PRKG1: variants seen among roughly 807,000 people sequenced by gnomAD.
PRKG1 encodes the protein protein kinase cGMP-dependent 1, also known as cGMP-dependent protein kinase 1.
Under a neutral mutation model 88.1 loss-of-function variants are expected in PRKG1, and 35 were observed. The ratio of observed to expected loss-of-function variants is 0.40; its 90% CI spans 0.30 to 0.53. The LOEUF is 0.53. PRKG1 is among the 20% of genes least tolerant of loss of function. The probability of loss-of-function intolerance (pLI) is 0.59; values close to 1 mark genes in which losing one functional copy is unlikely to be tolerated. For synonymous variants in PRKG1, 303 were observed against 292.5 expected (o/e 1.04, Z -0.37); for missense variants, 540 against 839.8 (o/e 0.64, Z 4.41).
At chr10:51,462,912 A>G (rs919649894) in intron 2 of PRKG1, among the ~76,000 whole-genome samples, 29 of 152,246 alleles carry the variant, frequency 1.9e-4, no homozygotes, top group Non-Finnish European at 2.8e-4. Context: ...ATCTAGTAAT[A>G]TATTTTTAAA....
chr10:51,460,726 C>A (rs1489677704), intron 2 of PRKG1, among the ~76,000 whole-genome samples: 1 of 152,120 alleles, frequency 6.6e-6, no homozygotes, highest in East Asian at 1.9e-4. Context: ...GAATCCTGTT[C>A]ATTGTCAGAT....
intron 2 of PRKG1, among the ~76,000 whole-genome samples, chr10:51,187,412 C>T (rs759182045): frequency 2.6e-5 from 4 of 151,920 alleles, no homozygotes; most frequent in Non-Finnish European, 5.9e-5. Flanking sequence ...TACAAAATGA[C>T]AACGTTAAAA....
intron 4 of PRKG1, among the ~76,000 whole-genome samples, chr10:51,839,547 A>G (rs763773209): frequency 6.6e-6 from 1 of 152,206 alleles, no homozygotes; most frequent in Admixed American, 6.5e-5. Flanking sequence ...TTTTTGAAAG[A>G]CCACTTATCT....
At chr10:51,373,257 T>C (rs950013577) in intron 2 of PRKG1, among the ~76,000 whole-genome samples, 5 of 152,204 alleles carry the variant, frequency 3.3e-5, no homozygotes, top group African/African-American at 1.2e-4. Context: ...CAACACAAAG[T>C]TATTATTTCA....
intron 5 of PRKG1, among the ~76,000 whole-genome samples, chr10:51,940,880 T>C (rs1190168688): frequency 6.6e-6 from 1 of 152,004 alleles, no homozygotes; most frequent in East Asian, 1.9e-4. Flanking sequence ...GATATTGTAA[T>C]GATCATTATC....
At chr10:51,272,957 G>C (rs1384490598) in intron 2 of PRKG1, among the ~76,000 whole-genome samples, 1 of 152,212 alleles carries the variant, frequency 6.6e-6, no homozygotes, top group Non-Finnish European at 1.5e-5. Context: ...TAAGCTGAAA[G>C]TAGCCATATC....
In PRKG1 at chr10:51,592,731, A is replaced by G. The variant is rs148357595; in HGVS notation, c.592+124895A>G. 2.4e-3 allele frequency among the ~76,000 whole-genome samples: 362 copies of G among 152,278 alleles called. 2 individuals carry two copies. The highest frequency in any genetic ancestry group is 8.1e-3 in the African/African-American group (338 of 41,562). On this transcript the variant is annotated intron_variant, in intron 3 of 17. Coordinates refer to ENST00000373980, the MANE Select transcript of PRKG1 (RefSeq NM_006258.4). ...CATTCTGGCATTCTGGGGGCTCAGT[A>G]CCATTGTTTTAATTATGAAAAGAGG...
At chr10:51,284,865 C>CTTTTTTTTTTTTTTTTTTTTTTAGCTTTT (rs1840395637) in intron 2 of PRKG1, among the ~76,000 whole-genome samples, 1 of 51,698 alleles carries the variant, frequency 1.9e-5, no homozygotes, top group African/African-American at 7.2e-5. Flanking sequence ...GTTGTGGGTA[C>CTTTTTTTTTTTTTTTTTTTTTTAGCTTTT]TTTTTTTTTT....
At chr10:51,414,091 AT>A (rs1340523638) in intron 2 of PRKG1, among the ~76,000 whole-genome samples, 1 of 152,124 alleles carries the variant, frequency 6.6e-6, no homozygotes, top group Non-Finnish European at 1.5e-5. Flanking sequence ...AACAATACCC[AT>A]TTTTTAGAGC....
intron 9 of PRKG1, among the ~76,000 whole-genome samples, chr10:52,179,145 C>A (rs1254561845): frequency 3.3e-5 from 5 of 151,636 alleles, no homozygotes; most frequent in African/African-American, 1.2e-4. Flanking sequence ...ACATTTGATT[C>A]ATTTTTCTTT....
At chr10:52,143,138 G>T (rs1226873381) in intron 8 of PRKG1, among the ~76,000 whole-genome samples, 1 of 152,110 alleles carries the variant, frequency 6.6e-6, no homozygotes, top group Admixed American at 6.6e-5. Flanking sequence ...TATAGAAATA[G>T]CAGCTATAAG....
At chr10:51,865,578 A>T (rs1184052639) in intron 4 of PRKG1, among the ~76,000 whole-genome samples, 1 of 152,056 alleles carries the variant, frequency 6.6e-6, no homozygotes, top group Middle Eastern at 3.2e-3. Flanking sequence ...AAATGTAATT[A>T]TGTAATTTCA....
At chr10:52,088,127 C>T (rs959852428) in intron 7 of PRKG1, among the ~76,000 whole-genome samples, 1 of 152,046 alleles carries the variant, frequency 6.6e-6, no homozygotes, top group Admixed American at 6.6e-5. Context: ...TTCAGATTAA[C>T]CTTTATATAT....
chr10:51,819,820 G>A (rs189541928), intron 4 of PRKG1, among the ~76,000 whole-genome samples: 2 of 152,230 alleles, frequency 1.3e-5, no homozygotes, highest in Admixed American at 6.5e-5. Context: ...GAATTAGAGA[G>A]TGAATCACAC....
In PRKG1 at chr10:51,699,302, C is replaced by T. The variant is rs1464441874; in HGVS notation, c.593-105283C>T. On this transcript the variant is annotated intron_variant, in intron 3 of 17. Transcript: ENST00000373980. ...ATTGTCCACCCGAAGCGCTCTCCCACTGAACTCCCGCCCATTGAGGTTCCG... is the reference window on the plus strand; with the variant it reads ...ATTGTCCACCCGAAGCGCTCTCCCATTGAACTCCCGCCCATTGAGGTTCCG... 1 of 1,614,162 alleles carries T rather than the reference C, an allele frequency of 6.2e-7. No individual in the cohort carries two copies. The highest frequency in any genetic ancestry group is 8.5e-7 in the Non-Finnish European group (1 of 1,180,024).
chr10:52,062,673 A>G, intron 7 of PRKG1, 42 bp downstream of exon 7: 1 of 1,472,006 alleles, frequency 6.8e-7, no homozygotes, highest in Non-Finnish European at 9.4e-7. Context: ...TTTGAGTGCT[A>G]CATAAATTTC....
At chr10:51,103,171 A>G (rs1306581837) in intron 1 of PRKG1, among the ~76,000 whole-genome samples, 1 of 152,150 alleles carries the variant, frequency 6.6e-6, no homozygotes, top group Non-Finnish European at 1.5e-5. Context: ...GTGTTCATCC[A>G]AGATATTCAA....
intron 4 of PRKG1, among the ~76,000 whole-genome samples, chr10:51,854,493 G>A (rs1840632109): frequency 6.6e-6 from 1 of 151,996 alleles, no homozygotes; most frequent in Non-Finnish European, 1.5e-5. Context: ...AGTCAATGGA[G>A]GAATGGTAAC....
chr10:51,810,084 C>A (rs1484070121), intron 4 of PRKG1, among the ~76,000 whole-genome samples: 3 of 152,146 alleles, frequency 2.0e-5, no homozygotes, highest in South Asian at 2.1e-4. Flanking sequence ...GAAAATAGAA[C>A]CTGATATCTC....
Sources: gnomAD v4.1 joint callset for allele counts (sites outside exome capture counted in the v4.1 genomes callset) on GRCh38, gnomAD v4.1.1 for gene constraint, MANE v1.5 for transcripts, NCBI Gene and HGNC (gene_info 2026-07-23, HGNC 2026-07-21) for gene names.